Variants in WSCD2 observed in about 807,000 individuals in gnomAD.
The protein encoded by WSCD2 is WSC domain sialate O sulfotransferase 2, also known as sialate:O-sulfotransferase 2.
A neutral mutation model predicts 55.7 loss-of-function variants in WSCD2; 28 were observed. The observed-to-expected ratio is 0.50, with a 90% CI of 0.37 to 0.69. The LOEUF is 0.69. Ranked by LOEUF, WSCD2 falls within the 30% of genes least tolerant of loss-of-function variation. WSCD2 has a pLI of 0.00. For missense variants in WSCD2, 616 were observed against 762.1 expected, an observed-to-expected ratio of 0.81 and a Z score of 2.26; for synonymous variants, 301 against 301.9, an observed-to-expected ratio of 1.00 and a Z score of 0.03.
At chr12:108,154,990 G>T (rs755693013) in intron 1 of WSCD2, among the ~76,000 whole-genome samples, 1 of 152,142 alleles carries the variant, frequency 6.6e-6, no homozygotes, top group Non-Finnish European at 1.5e-5. Context: ...ATATGCCCCA[G>T]ATCCCAGCCT....
chr12:108,220,798 A>G (rs1053160299), intron 4 of WSCD2, among the ~76,000 whole-genome samples: 3 of 152,108 alleles, frequency 2.0e-5, no homozygotes, highest in African/African-American at 7.2e-5. Flanking sequence ...TTGGCCTCCT[A>G]AAGTGTTGGG....
intron 1 of WSCD2, among the ~76,000 whole-genome samples, chr12:108,139,315 A>T (rs906551499): frequency 6.6e-6 from 1 of 152,162 alleles, no homozygotes; most frequent in African/African-American, 2.4e-5. Flanking sequence ...GACTTGTAGT[A>T]ATTCTAGGAG....
chr12:108,184,398 T>C (rs1275158678), intron 1 of WSCD2, among the ~76,000 whole-genome samples: 6 of 152,190 alleles, frequency 3.9e-5, no homozygotes, highest in Admixed American at 3.9e-4. Flanking sequence ...TATTTTTCAC[T>C]CCTGGTGGAA....
intron 4 of WSCD2, among the ~76,000 whole-genome samples, chr12:108,214,557 G>A (rs1313928270): frequency 1.3e-5 from 2 of 152,110 alleles, no homozygotes; most frequent in African/African-American, 4.8e-5. Flanking sequence ...ATAGAGACCT[G>A]CTGGTGATTT....
chr12:108,172,595 T>C (rs556701113), intron 1 of WSCD2, among the ~76,000 whole-genome samples: 1 of 151,816 alleles, frequency 6.6e-6, no homozygotes, highest in African/African-American at 2.4e-5. Flanking sequence ...ACAGAGAGAA[T>C]GCCACGTGAA....
chr12:108,209,971 T>C, intron 3 of WSCD2, 150 bp from the exon 4 acceptor site: 1 of 1,068,626 alleles, frequency 9.4e-7, no homozygotes, highest in South Asian at 1.6e-5. Flanking sequence ...GGTCTCCCAG[T>C]TGCCCCAACC....
rs752605882 is a variant in WSCD2 at position 108,195,881 on chromosome 12, G to A, written c.49G>A (p.Val17Met). Reference protein sequence around the residue: ...KFQRYFRRKPVRFFTFLALYL... With the variant: ...KFQRYFRRKPMRFFTFLALYL... ...CCAGCGGTACTTCCGCCGGAAACCT[G>A]TGCGCTTCTTTACCTTCCTGGCACT... The change falls in exon 2 of 9, where the codon GTG (valine) becomes ATG (methionine). Residue 17 changes from valine (V) to methionine (M), a missense_variant. Val to Met is a conservative substitution (Grantham distance 21). This residue lies in a region of WSCD2 where 374 missense variants were observed against 467.4 expected (regional missense o/e 0.80). Transcript: ENST00000547525. 2.5e-6 allele frequency: 4 copies of A among 1,613,980 alleles called. No individual in the cohort carries two copies. The African/African-American group carries it at 5.3e-5, about 22-fold the overall frequency.
intron 4 of WSCD2, among the ~76,000 whole-genome samples, chr12:108,221,385 T>C (rs1887498620): frequency 6.6e-6 from 1 of 152,100 alleles, no homozygotes; most frequent in African/African-American, 2.4e-5. Context: ...TTAAACCCCA[T>C]CTCTACTAAA....
At chr12:108,234,357 A>G (rs1180361741) in intron 7 of WSCD2, among the ~76,000 whole-genome samples, 3 of 152,220 alleles carry the variant, frequency 2.0e-5, no homozygotes, top group Non-Finnish European at 4.4e-5. Flanking sequence ...GGTGAGACAC[A>G]GGAGGGAGGC....
intron 1 of WSCD2, among the ~76,000 whole-genome samples, chr12:108,144,335 A>T (rs1334269077): frequency 2.0e-5 from 3 of 152,112 alleles, no homozygotes; most frequent in African/African-American, 7.2e-5. Flanking sequence ...TCTTCCTCTG[A>T]GCTGTGCCAT....
intron 6 of WSCD2, among the ~76,000 whole-genome samples, chr12:108,229,551 T>G (rs1329724170): frequency 6.6e-6 from 1 of 152,232 alleles, no homozygotes; most frequent in Non-Finnish European, 1.5e-5. Context: ...TAGCCCTGTT[T>G]TATAGGTGAG....
At chr12:108,206,187 G>A in intron 2 of WSCD2, 102 bp from the exon 3 acceptor site, 1 of 920,280 alleles carries the variant, frequency 1.1e-6, no homozygotes, top group Non-Finnish European at 1.7e-6. Context: ...GACATTAAAA[G>A]GTCAACAAGG....
intron 1 of WSCD2, among the ~76,000 whole-genome samples, chr12:108,144,055 T>C (rs1375371757): frequency 6.6e-6 from 1 of 151,642 alleles, no homozygotes; most frequent in Non-Finnish European, 1.5e-5. Flanking sequence ...GGTCCACATA[T>C]CTTGATTTTT....
chr12:108,209,950 C>G (rs937845459), intron 3 of WSCD2, among the ~76,000 whole-genome samples, 171 bp from the exon 4 acceptor site: 4 of 152,076 alleles, frequency 2.6e-5, no homozygotes, highest in African/African-American at 9.7e-5. Flanking sequence ...GAGGTCTCTC[C>G]TGTCCCCTGG....
At chr12:108,187,921 ACCCTGACCCT>A (rs941120262) in intron 1 of WSCD2, among the ~76,000 whole-genome samples, 1 of 152,146 alleles carries the variant, frequency 6.6e-6, no homozygotes, top group Non-Finnish European at 1.5e-5. Context: ...ATAGTGGCCC[ACCCTGACCCT>A]GCAACAAGCG....
At chr12:108,139,272 T>G (rs958616506) in intron 1 of WSCD2, among the ~76,000 whole-genome samples, 1 of 152,202 alleles carries the variant, frequency 6.6e-6, no homozygotes, top group East Asian at 1.9e-4. Flanking sequence ...GGGGGAAACA[T>G]ACTTTCAAAC....
intron 6 of WSCD2, 130 bp from the exon 7 acceptor site, chr12:108,232,601 C>A: frequency 1.2e-6 from 1 of 855,522 alleles, no homozygotes; most frequent in Non-Finnish European, 1.8e-6. Flanking sequence ...TTCCCATGAC[C>A]CACGCAAGTG....
At chr12:108,152,083 T>A (rs1878060251) in intron 1 of WSCD2, among the ~76,000 whole-genome samples, 1 of 152,122 alleles carries the variant, frequency 6.6e-6, no homozygotes, top group Admixed American at 6.5e-5. Flanking sequence ...GGCATTTAGC[T>A]GCACTCTGAT....
chr12:108,189,206 TAA>T (rs1271037916), intron 1 of WSCD2: 3 of 152,102 alleles, frequency 2.0e-5, no homozygotes, highest in Non-Finnish European at 4.4e-5. Flanking sequence ...ATTTAGGAAA[TAA>T]AGAGTATACT....
Sources: allele counts gnomAD v4.1 joint callset (sites outside exome capture counted in the v4.1 genomes callset), GRCh38; gene constraint gnomAD v4.1.1; regional missense constraint gnomAD v4.1.1; transcripts MANE v1.5; gene names NCBI Gene and HGNC (gene_info 2026-07-23, HGNC 2026-07-21).